The following CAMTA1 variants were observed in gnomAD, a reference collection of about 807,000 sequenced individuals.
The protein encoded by CAMTA1 is calmodulin-binding transcription activator 1.
A neutral mutation model predicts 170.9 loss-of-function variants in CAMTA1; 27 were observed. The ratio of observed to expected loss-of-function variants is 0.16; its 90% CI spans 0.12 to 0.22. The LOEUF (loss-of-function observed/expected upper bound fraction) is 0.22. CAMTA1 is among the 10% of genes least tolerant of loss of function. The pLI is 1.00. For synonymous variants in CAMTA1, 833 were observed against 891.5 expected (o/e 0.93, Z 1.17); for missense variants, 1,619 against 2,217.2 (o/e 0.73, Z 5.42).
At chr1:6,982,137 C>G (rs1270967019) in intron 3 of CAMTA1, among the ~76,000 whole-genome samples, 2 of 151,994 alleles carry the variant, frequency 1.3e-5, no homozygotes, top group East Asian at 3.9e-4. Context: ...CTTCTTGACT[C>G]TCAGCCTGGT....
At chr1:6,817,843 A>G (rs1470946338) in intron 1 of CAMTA1, among the ~76,000 whole-genome samples, 2 of 152,310 alleles carry the variant, frequency 1.3e-5, no homozygotes, top group Middle Eastern at 3.4e-3. Flanking sequence ...CAGTCCTAGA[A>G]CAAGAGTTTT....
intron 3 of CAMTA1, among the ~76,000 whole-genome samples, chr1:6,928,193 G>A (rs1326300445): frequency 1.3e-5 from 2 of 152,222 alleles, no homozygotes; most frequent in African/African-American, 4.8e-5. Flanking sequence ...TTAACAGAGC[G>A]CTTTCAAGTC....
intron 1 of CAMTA1, among the ~76,000 whole-genome samples, chr1:6,797,375 T>A (rs1346341342): frequency 6.6e-6 from 1 of 150,878 alleles, no homozygotes; most frequent in Admixed American, 6.6e-5. Flanking sequence ...TGACTTTTTA[T>A]TTTTTATTTA....
At chr1:7,035,616 A>C (rs1424339911) in intron 3 of CAMTA1, among the ~76,000 whole-genome samples, 1 of 152,214 alleles carries the variant, frequency 6.6e-6, no homozygotes, top group East Asian at 1.9e-4. Flanking sequence ...ATGCCAATAC[A>C]GTGAAAAAGG....
intron 6 of CAMTA1, among the ~76,000 whole-genome samples, chr1:7,517,253 T>C (rs2094299280): frequency 1.3e-5 from 2 of 152,206 alleles, no homozygotes; most frequent in Admixed American, 6.5e-5. Flanking sequence ...AGGATCCTTC[T>C]AATTATCCTT....
intron 3 of CAMTA1, among the ~76,000 whole-genome samples, chr1:6,917,448 C>T (rs1403049420): frequency 2.6e-5 from 4 of 151,986 alleles, no homozygotes; most frequent in South Asian, 4.1e-4. Flanking sequence ...CAATTATTAA[C>T]CTAGGTGACA....
At chr1:6,791,066 T>C (rs1344649185) in intron 1 of CAMTA1, among the ~76,000 whole-genome samples, 1 of 151,904 alleles carries the variant, frequency 6.6e-6, no homozygotes, top group African/African-American at 2.4e-5. Flanking sequence ...ATTATACAGA[T>C]CTTTTCCTAA....
At chr1:6,925,867 G>A (rs1325339447) in intron 3 of CAMTA1, among the ~76,000 whole-genome samples, 1 of 152,224 alleles carries the variant, frequency 6.6e-6, no homozygotes, top group Non-Finnish European at 1.5e-5. Context: ...TCCATCACCA[G>A]GAGGCAGGGT....
intron 3 of CAMTA1, among the ~76,000 whole-genome samples, chr1:7,053,146 C>A (rs555198800): frequency 6.6e-6 from 1 of 152,376 alleles, no homozygotes; most frequent in South Asian, 2.1e-4. Context: ...CACTCATGAA[C>A]TTGACCCTGT....
At chr1:7,276,675 A>G (rs1387352860) in intron 5 of CAMTA1, among the ~76,000 whole-genome samples, 3 of 152,088 alleles carry the variant, frequency 2.0e-5, no homozygotes, top group Non-Finnish European at 2.9e-5. Context: ...CAATGTGTCC[A>G]CTTTCACTGC....
chr1:7,163,843 A>G (rs145199673), intron 4 of CAMTA1, among the ~76,000 whole-genome samples: 124 of 152,246 alleles, frequency 8.1e-4, no homozygotes, highest in South Asian at 2.1e-3. Flanking sequence ...TTCCCACTAT[A>G]TGCTCTTAGC....
chr1:7,008,958 G>T (rs1432463413), intron 3 of CAMTA1, among the ~76,000 whole-genome samples: 1 of 152,212 alleles, frequency 6.6e-6, no homozygotes, highest in East Asian at 1.9e-4. Flanking sequence ...CCTCCTGCTG[G>T]CTTCCAATGG....
At chr1:7,488,501 A>G (rs938908865) in intron 6 of CAMTA1, among the ~76,000 whole-genome samples, 1 of 152,060 alleles carries the variant, frequency 6.6e-6, no homozygotes, top group East Asian at 1.9e-4. Flanking sequence ...ATACACACAC[A>G]CGCACATACA....
chr1:7,741,944 GT>G (rs34289951), intron 16 of CAMTA1, among the ~76,000 whole-genome samples: 90,928 of 137,166 alleles, frequency 0.66, 29,698 homozygotes, highest in Admixed American at 0.76. Flanking sequence ...GCCTCGGGTT[GT>G]TTTTTTTTTT....
intron 3 of CAMTA1, among the ~76,000 whole-genome samples, chr1:6,930,553 A>C (rs1684214886): frequency 6.6e-6 from 1 of 152,186 alleles, no homozygotes; most frequent in South Asian, 2.1e-4. Context: ...TGAGGAGCTC[A>C]TGGGGGTTAG....
chr1:6,993,026 C>T (rs1057022287), intron 3 of CAMTA1, among the ~76,000 whole-genome samples: 6 of 152,230 alleles, frequency 3.9e-5, no homozygotes, highest in African/African-American at 1.2e-4. Flanking sequence ...TTTGTCTAAA[C>T]ATTAATTAAC....
chr1:7,252,891 G>A (rs1010395104), intron 5 of CAMTA1, among the ~76,000 whole-genome samples: 5 of 152,146 alleles, frequency 3.3e-5, no homozygotes, highest in South Asian at 2.1e-4. Flanking sequence ...CAGCCATCTC[G>A]CTTCTTTTGT....
chr1:7,137,334 G>T (rs1156688459), intron 4 of CAMTA1, among the ~76,000 whole-genome samples: 2 of 152,068 alleles, frequency 1.3e-5, no homozygotes, highest in Non-Finnish European at 2.9e-5. Context: ...ATTCATCACC[G>T]AATCGCTGAA....
rs951990612 is a variant in CAMTA1 at position 6,790,375 on chromosome 1, A to AGAGTGTGT, written c.45+4801_45+4802insAGTGTGTG. On this transcript the variant is annotated intron_variant, in intron 1 of 22. Transcript: ENST00000303635. ...CAGAGTGTGAGAGAGAGAGAGAGAG[A>AGAGTGTGT]GTGTGTGTGTGTGTGTGTGTGTGTG... Among the ~76,000 whole-genome samples the AGAGTGTGT allele has an allele frequency of 1.4e-3, 191 of 139,122 alleles. 1 individual carries two copies. The highest frequency in any genetic ancestry group is 4.3e-3 in the African/African-American group (156 of 36,256). The allele number at this position is 139,122 out of a possible 152,430, so 91.3% of individuals were successfully genotyped here. A position where few individuals can be genotyped will look rare whatever the true frequency, so the allele number is the denominator to read the frequency against.
Sources: allele counts gnomAD v4.1 joint callset (sites outside exome capture counted in the v4.1 genomes callset), GRCh38; gene constraint gnomAD v4.1.1; transcripts MANE v1.5; gene names NCBI Gene and HGNC (gene_info 2026-07-23, HGNC 2026-07-21).